CACNA1E: variants seen among roughly 807,000 people sequenced by gnomAD.
CACNA1E encodes calcium voltage-gated channel subunit alpha1 E, also known as voltage-dependent R-type calcium channel subunit alpha-1E.
Under a neutral mutation model 259.2 loss-of-function variants are expected in CACNA1E, and 40 were observed. The observed-to-expected ratio is 0.15, with a 90% CI of 0.12 to 0.20. The LOEUF (loss-of-function observed/expected upper bound fraction) is 0.20. CACNA1E is among the 10% of genes least tolerant of loss of function. The pLI, the probability that CACNA1E is intolerant of heterozygous loss-of-function variation, is 1.00. For synonymous variants in CACNA1E, 1,104 were observed against 1,138.5 expected, an observed-to-expected ratio of 0.97 and a Z score of 0.61; for missense variants, 1,874 against 3,040.1, an observed-to-expected ratio of 0.62 and a Z score of 9.02.
chr1:181,427,151 T>A (rs1202875213), intron 2 of CACNA1E, among the ~76,000 whole-genome samples: 1 of 149,840 alleles, frequency 6.7e-6, no homozygotes, highest in African/African-American at 2.5e-5. Context: ...CCCTTCAACA[T>A]CTCAACCACA....
intron 1 of CACNA1E, among the ~76,000 whole-genome samples, chr1:181,504,589 G>A (rs1265120264): frequency 6.6e-6 from 1 of 152,156 alleles, no homozygotes; most frequent in Non-Finnish European, 1.5e-5. Context: ...TGATGATGAG[G>A]AGGCTTTTCA....
At chr1:181,574,633 A>G (rs1193446043) in intron 3 of CACNA1E, among the ~76,000 whole-genome samples, 4 of 152,174 alleles carry the variant, frequency 2.6e-5, no homozygotes, top group Non-Finnish European at 5.9e-5. Flanking sequence ...AGATGAGAAA[A>G]CAGAATTTCT....
At chr1:181,579,308 G>A in intron 5 of CACNA1E, 84 bp downstream of exon 5, 1 of 1,111,918 alleles carries the variant, frequency 9.0e-7, no homozygotes, top group East Asian at 2.4e-5. Context: ...GAGGCTCATT[G>A]GAAAAGTATG....
intron 6 of CACNA1E, among the ~76,000 whole-genome samples, chr1:181,623,561 T>C (rs199951): frequency 0.73 from 110,248 of 151,648 alleles, 41,654 homozygotes; most frequent in East Asian, 0.95. Flanking sequence ...ATTCAAACAA[T>C]ATATGGGCAT....
chr1:181,703,083 C>A (rs1178587314), intron 7 of CACNA1E, among the ~76,000 whole-genome samples: 1 of 152,140 alleles, frequency 6.6e-6, no homozygotes, highest in Non-Finnish European at 1.5e-5. Context: ...CAGGTGCATA[C>A]CAGCATGCCC....
At chr1:181,480,266 T>G (rs530739444), upstream of CACNA1E, among the ~76,000 whole-genome samples, 95 of 152,354 alleles carry the variant, frequency 6.2e-4, no homozygotes, top group Non-Finnish European at 1.5e-4. Context: ...TCTGTCTTCC[T>G]GCTAGCACTG....
intron 1 of CACNA1E, among the ~76,000 whole-genome samples, chr1:181,355,335 C>T (rs907196941): frequency 6.6e-6 from 1 of 152,214 alleles, no homozygotes; most frequent in Admixed American, 6.5e-5. Context: ...TGTCTGTAAT[C>T]TCAGCACTTT....
At chr1:181,631,246 G>A (rs1354414606) in intron 6 of CACNA1E, among the ~76,000 whole-genome samples, 2 of 152,186 alleles carry the variant, frequency 1.3e-5, no homozygotes, top group Non-Finnish European at 2.9e-5. Context: ...CTGGGCTGTT[G>A]TTGGAGACCT....
chr1:181,753,562 G>C (rs1190518777), intron 27 of CACNA1E, among the ~76,000 whole-genome samples: 1 of 152,198 alleles, frequency 6.6e-6, no homozygotes, highest in South Asian at 2.1e-4. Context: ...ACTGACGTGA[G>C]TGGTCCCTGT....
intron 1 of CACNA1E, among the ~76,000 whole-genome samples, chr1:181,367,427 T>C (rs1186334353): frequency 6.6e-6 from 1 of 151,856 alleles, no homozygotes; most frequent in Non-Finnish European, 1.5e-5. Context: ...TTGCAAAACA[T>C]TTAGGGATCT....
rs577866015 is a variant in CACNA1E at position 181,318,424 on chromosome 1, C to G, written c.-15+301C>G. 1.3e-4 allele frequency among the ~76,000 whole-genome samples: 20 copies of G among 152,332 alleles called. No homozygotes were observed. The East Asian group carries it at 3.1e-3, about 24-fold the overall frequency. On this transcript the variant is annotated intron_variant, in intron 1 of 11. Coordinates refer to the CACNA1E transcript ENST00000524607. ...TGGCACTTAGGGTGTGAGTGTTGCG[C>G]CCCTTGCCGCAGCGCTCAGGGCAGC...
chr1:181,787,296 G>C (rs1283204546), intron 43 of CACNA1E, among the ~76,000 whole-genome samples: 1 of 152,010 alleles, frequency 6.6e-6, no homozygotes. Flanking sequence ...ATTTTTAGTA[G>C]AGACGGGGTT....
intron 3 of CACNA1E, among the ~76,000 whole-genome samples, chr1:181,535,200 G>A (rs552975646): frequency 5.3e-5 from 8 of 152,198 alleles, no homozygotes; most frequent in African/African-American, 1.7e-4. Context: ...AAAAATTTAG[G>A]GGTCTTCATA....
intron 16 of CACNA1E, 114 bp downstream of exon 16, chr1:181,721,989 A>T: frequency 1.4e-6 from 1 of 711,512 alleles, no homozygotes; most frequent in Non-Finnish European, 2.6e-6. Flanking sequence ...GGGCGTGGAC[A>T]TTGTTTGGTG....
intron 18 of CACNA1E, among the ~76,000 whole-genome samples, chr1:181,729,496 T>C (rs1453414120): frequency 1.3e-5 from 2 of 152,226 alleles, no homozygotes; most frequent in East Asian, 3.8e-4. Context: ...GCAAAGTGCC[T>C]GAGTGCTAGT....
chr1:181,764,888 T>C (rs1658893654), intron 34 of CACNA1E, among the ~76,000 whole-genome samples: 1 of 152,212 alleles, frequency 6.6e-6, no homozygotes, highest in African/African-American at 2.4e-5. Context: ...TGAGAAACCA[T>C]ACACTATTGA....
At chr1:181,370,548 A>T (rs1654616431) in intron 1 of CACNA1E, among the ~76,000 whole-genome samples, 1 of 152,146 alleles carries the variant, frequency 6.6e-6, no homozygotes, top group Non-Finnish European at 1.5e-5. Context: ...TTCTGTTCCT[A>T]CATTAATTAG....
chr1:181,508,028 C>T (rs1291022638), intron 1 of CACNA1E, among the ~76,000 whole-genome samples: 1 of 152,140 alleles, frequency 6.6e-6, no homozygotes, highest in African/African-American at 2.4e-5. Flanking sequence ...GACAGACCCC[C>T]ACTTTGTGTC....
At chr1:181,739,658 A>G (rs1004099708) in intron 25 of CACNA1E, among the ~76,000 whole-genome samples, 20 of 152,198 alleles carry the variant, frequency 1.3e-4, no homozygotes, top group Non-Finnish European at 2.2e-4. Flanking sequence ...TGCAGAGGGT[A>G]GAGCAAAGTT....
Sources: gnomAD v4.1 joint callset for allele counts (sites outside exome capture counted in the v4.1 genomes callset) on GRCh38, gnomAD v4.1.1 for gene constraint, MANE v1.5 for transcripts, NCBI Gene and HGNC (gene_info 2026-07-23, HGNC 2026-07-21) for gene names.